The following MLIP variants were observed in gnomAD, a reference collection of about 807,000 sequenced individuals.
MLIP encodes muscular LMNA-interacting protein.
A neutral mutation model predicts 84.8 loss-of-function variants in MLIP; 79 were observed. The observed-to-expected ratio is 0.93, with a 90% CI of 0.78 to 1.12. The LOEUF is 1.12. Ranked by LOEUF, MLIP falls within the 50% of genes most tolerant of loss-of-function variation. MLIP has a pLI of 0.00. For synonymous variants in MLIP, 504 were observed against 463.0 expected (o/e 1.09, Z -1.14); for missense variants, 1,257 against 1,160.6 (o/e 1.08, Z -1.21).
chr6:54,198,759 A>G (rs1031915671), intron 10 of MLIP, among the ~76,000 whole-genome samples: 2 of 152,112 alleles, frequency 1.3e-5, no homozygotes, highest in East Asian at 3.9e-4. Context: ...TCCTTCTACA[A>G]TATTATGCTA....
intron 11 of MLIP, among the ~76,000 whole-genome samples, chr6:54,229,524 A>T (rs1444314890): frequency 6.6e-6 from 1 of 152,056 alleles, no homozygotes; most frequent in Non-Finnish European, 1.5e-5. Context: ...CCCTCTTCCC[A>T]CAACCCTGGA....
At chr6:54,144,255 G>A (rs768308888) in intron 4 of MLIP, among the ~76,000 whole-genome samples, 19 of 152,190 alleles carry the variant, frequency 1.2e-4, no homozygotes, top group Non-Finnish European at 2.2e-4. Flanking sequence ...TGATCACCGA[G>A]GAGCAGAAAG....
At chr6:54,241,531 T>G (rs568186152) in intron 12 of MLIP, among the ~76,000 whole-genome samples, 24 of 152,276 alleles carry the variant, frequency 1.6e-4, no homozygotes, top group African/African-American at 5.8e-4. Flanking sequence ...CTTCAGCTAT[T>G]AAAAGTCCTT....
intron 1 of MLIP, among the ~76,000 whole-genome samples, chr6:54,076,030 TG>T (rs1372043322): frequency 6.8e-6 from 1 of 147,720 alleles, no homozygotes; most frequent in Non-Finnish European, 1.5e-5. Flanking sequence ...GGATTAACAC[TG>T]TTGTTCAATA....
rs1395305537 is a variant in MLIP, at chr6:54,160,814, A to T, written c.2499+15A>T. 7 of 1,596,444 alleles carry T rather than the reference A, an allele frequency of 4.4e-6. No homozygotes were observed. Among genetic ancestry groups the T allele is most frequent in the Non-Finnish European group, 6.0e-6 (7 of 1,167,668 alleles). ...ACACAGTCAAAGTATGTATGTATTTAATATAATTTATGGAACCATAAGATT... is the reference window on the plus strand; with the variant it reads ...ACACAGTCAAAGTATGTATGTATTTTATATAATTTATGGAACCATAAGATT... On this transcript the variant is annotated intron_variant, in intron 8 of 13. Coordinates refer to ENST00000502396, the MANE Select transcript of MLIP (RefSeq NM_001281747.2).
chr6:54,163,612 G>GT (rs1028133791), intron 8 of MLIP, among the ~76,000 whole-genome samples: 3 of 151,738 alleles, frequency 2.0e-5, no homozygotes, highest in African/African-American at 7.3e-5. Context: ...CCACAATTTT[G>GT]TAAGTACTAT....
intron 13 of MLIP, among the ~76,000 whole-genome samples, chr6:54,260,241 C>G (rs1000273842): frequency 1.3e-5 from 2 of 151,282 alleles, no homozygotes; most frequent in Admixed American, 6.6e-5. Context: ...TTTTGTAACT[C>G]ACATCATTTC....
chr6:54,136,906 A>T lies in MLIP; in HGVS notation c.837A>T (p.Gln279His). The change falls in exon 4 of 14, where the codon CAA becomes CAT. Residue 279 changes from glutamine (Q) to histidine (H), a missense_variant. By Grantham distance (24) the Gln-to-His change is conservative. Transcript: ENST00000502396. The part of the protein sequence containing the change: ...AVVEESATYF[Q>H]TTAHSTPFSA... ...TGGAAGAATCAGCTACGTATTTTCAAACTACCGCTCACTCTACACCCTTTT... is the reference window on the plus strand; with the variant it reads ...TGGAAGAATCAGCTACGTATTTTCATACTACCGCTCACTCTACACCCTTTT... 1 of 1,535,542 alleles carries T rather than the reference A, an allele frequency of 6.5e-7. No homozygotes were observed.
At position 54,124,544 on chromosome 6, in the gene MLIP, T is replaced by A. The variant is rs1276676516; in HGVS notation, c.324T>A (p.Cys108Ter). Reference protein sequence around the residue: ...QQERDQAKLTCPSEVSGTILQ... With the variant: ...QQERDQAKLT ...AGAGAGACCAAGCGAAATTGACTTGTCCTTCAGAGGTCAGTGGAACGATTT... is the reference window on the plus strand; with the variant it reads ...AGAGAGACCAAGCGAAATTGACTTGACCTTCAGAGGTCAGTGGAACGATTT... The change falls in exon 3 of 14, where the codon TGT becomes TGA. Residue 108 changes from cysteine (C) to a stop codon, truncating the protein, a stop_gained. Transcript: ENST00000502396. LOFTEE classifies it high-confidence loss of function. The A allele has an allele frequency of 6.2e-7, 1 of 1,614,202 alleles. No homozygotes were observed. The highest frequency in any genetic ancestry group is 2.2e-5 in the East Asian group (1 of 44,886).
At chr6:54,111,864 C>A (rs1350362086) in intron 1 of MLIP, among the ~76,000 whole-genome samples, 2 of 152,112 alleles carry the variant, frequency 1.3e-5, no homozygotes, top group Non-Finnish European at 2.9e-5. Flanking sequence ...TGGGTGTCAA[C>A]ATCTGAAGGA....
intron 1 of MLIP, among the ~76,000 whole-genome samples, chr6:54,056,580 T>C (rs1765674727): frequency 6.6e-6 from 1 of 152,186 alleles, no homozygotes; most frequent in African/African-American, 2.4e-5. Flanking sequence ...TTTTATATTT[T>C]CGTGTCGTGT....
chr6:54,098,850 A>G lies in MLIP; in HGVS notation c.64-22597A>G, dbSNP rs9474736. On this transcript the variant is annotated intron_variant, in intron 1 of 12. Transcript: ENST00000274897. ...GTAACCACAACCTTATGCGGTAGCT[A>G]CTCTTATTATCCCTATTTTACAGAT... is the stretch of plus-strand genomic sequence containing the variant. 1.2e-3 allele frequency among the ~76,000 whole-genome samples: 187 copies of G among 152,192 alleles called. 2 individuals are homozygous for G. The highest frequency in any genetic ancestry group is 4.2e-3 in the African/African-American group (173 of 41,524).
chr6:54,141,803 C>T (rs759259459), intron 4 of MLIP, among the ~76,000 whole-genome samples: 9 of 152,156 alleles, frequency 5.9e-5, no homozygotes, highest in Non-Finnish European at 1.2e-4. Context: ...TTCATCAAAG[C>T]CTCGTAGAGT....
At chr6:54,142,730 G>A (rs1210788775) in intron 4 of MLIP, among the ~76,000 whole-genome samples, 1 of 152,176 alleles carries the variant, frequency 6.6e-6, no homozygotes, top group East Asian at 1.9e-4. Context: ...TAGACCATGA[G>A]AGGGTGAAAG....
chr6:54,218,898 T>A (rs1207607396), intron 11 of MLIP, among the ~76,000 whole-genome samples: 1 of 151,122 alleles, frequency 6.6e-6, no homozygotes, highest in African/African-American at 2.4e-5. Flanking sequence ...TTTTGACTCT[T>A]ATAATAAACA....
chr6:54,125,632 T>A (rs1348711110), intron 3 of MLIP, among the ~76,000 whole-genome samples: 1 of 152,220 alleles, frequency 6.6e-6, no homozygotes, highest in Non-Finnish European at 1.5e-5. Flanking sequence ...GTAAGGTGAC[T>A]GACGAAGTGT....
chr6:54,209,959 C>A (rs1220274757), intron 11 of MLIP, among the ~76,000 whole-genome samples: 36 of 150,596 alleles, frequency 2.4e-4, no homozygotes, highest in African/African-American at 8.8e-4. Context: ...TTTTCCTATA[C>A]ATTCATCTGT....
intron 1 of MLIP, among the ~76,000 whole-genome samples, chr6:54,028,303 A>T (rs1388515445): frequency 2.0e-5 from 3 of 152,090 alleles, no homozygotes; most frequent in Non-Finnish European, 4.4e-5. Flanking sequence ...TGGTCTTCAA[A>T]ATAGGCCTAG....
Position 54,137,217 on chromosome 6 carries a change from C to T in MLIP, c.1148C>T (p.Ser383Phe), listed in dbSNP as rs931098803. 1.3e-6 allele frequency: 2 copies of T among 1,535,992 alleles called. No individual in the cohort carries two copies. Among genetic ancestry groups the T allele is most frequent in the South Asian group, 1.2e-5 (1 of 84,056 alleles). ...CCGAGCCCCAAACCATTTACCTCCT[C>T]TTTCCACGGCTCTTCTTCCACCATC... ...LSPSPKPFTS[S>F]FHGSSSTICS... Residue 383 changes from serine (S) to phenylalanine (F), a missense_variant, in exon 4 of 14, where the codon TCT (serine) becomes TTT (phenylalanine). Coordinates refer to ENST00000502396, the MANE Select transcript of MLIP (RefSeq NM_001281747.2).
Sources: allele counts gnomAD v4.1 joint callset (sites outside exome capture counted in the v4.1 genomes callset), GRCh38; gene constraint gnomAD v4.1.1; transcripts MANE v1.5; gene names NCBI Gene and HGNC (gene_info 2026-07-23, HGNC 2026-07-21).